The following PAQR4 variants were observed in gnomAD, a reference collection of about 807,000 sequenced individuals.
PAQR4 encodes progestin and adipoQ receptor family member IV.
PAQR4 carries 26 observed loss-of-function variants against 20.9 expected under a neutral mutation model. The ratio of observed to expected loss-of-function variants is 1.24; its 90% CI spans 0.91 to 1.73. PAQR4 has a LOEUF of 1.73. Ranked by LOEUF, PAQR4 falls within the 40% of genes most tolerant of loss-of-function variation. The pLI, the probability that PAQR4 is intolerant of heterozygous loss-of-function variation, is 0.00. For synonymous variants in PAQR4, 193 were observed against 171.6 expected, an observed-to-expected ratio of 1.12 and a Z score of -0.97; for missense variants, 400 against 380.1, an observed-to-expected ratio of 1.05 and a Z score of -0.44.
At chr16:2,970,993 C>G in intron 1 of PAQR4, 164 bp from the exon 2 acceptor site, 1 of 657,534 alleles carries the variant, frequency 1.5e-6, no homozygotes, top group Non-Finnish European at 2.6e-6. Context: ...GTAACCAGTG[C>G]CAAAAGCCTT....
At position 2,973,178 on chromosome 16, in the gene PAQR4, C is replaced by T. The variant is rs2072053503; in HGVS notation, c.*1230C>T. 4 of 1,525,086 alleles carry T rather than the reference C, an allele frequency of 2.6e-6. No homozygotes were observed. The highest frequency in any genetic ancestry group is 2.0e-5 in the Admixed American group (1 of 49,216). 94.5% of individuals were successfully genotyped at this position (1,525,086 alleles called of 1,614,324 possible). ...CTCCGGGGGGTGGAGGTGCTCCCCACAGTCCGGGCCAGGACAGCCTCAGGG... is the reference window on the plus strand; with the variant it reads ...CTCCGGGGGGTGGAGGTGCTCCCCATAGTCCGGGCCAGGACAGCCTCAGGG... On this transcript the variant is annotated 3_prime_UTR_variant, in exon 3 of 3. Coordinates refer to ENST00000318782, the MANE Select transcript of PAQR4 (RefSeq NM_152341.5).
chr16:2,970,122 T>C, intron 1 of PAQR4: 1 of 403,406 alleles, frequency 2.5e-6, no homozygotes, highest in Non-Finnish European at 4.5e-6. Context: ...GTGTCCGGCC[T>C]CTGTAATCCC....
chr16:2,972,783 G>A lies in PAQR4; in HGVS notation c.*835G>A, dbSNP rs961501695. On this transcript the variant is annotated 3_prime_UTR_variant, in exon 3 of 3. Coordinates refer to ENST00000318782, the MANE Select transcript of PAQR4 (RefSeq NM_152341.5). ...GATGACATCAATAAAGGGACAGGAA[G>A]GGCCATGTTGCCACATGAGCAAGCT... The A allele has an allele frequency of 3.2e-6, 5 of 1,539,482 alleles. No individual in the cohort carries two copies. The African/African-American group carries it at 4.1e-5, about 13-fold the overall frequency.
chr16:2,969,995 C>T, intron 1 of PAQR4, 155 bp downstream of exon 1: 1 of 1,030,802 alleles, frequency 9.7e-7, no homozygotes, highest in South Asian at 1.7e-5. Context: ...CTGCCATTGT[C>T]CCGGGCCGCG....
chr16:2,972,914 A>C lies in PAQR4; in HGVS notation c.*966A>C, dbSNP rs2072037248. On this transcript the variant is annotated 3_prime_UTR_variant, in exon 3 of 3. Coordinates refer to ENST00000318782, the MANE Select transcript of PAQR4 (RefSeq NM_152341.5). Reference sequence around the variant, plus strand: ...CTTTCAAGGGCGACGGGAGAGACACAGGATAAAAGGTTAAAAGTGCAGAGG... The same window carrying C: ...CTTTCAAGGGCGACGGGAGAGACACCGGATAAAAGGTTAAAAGTGCAGAGG... 1 of 1,568,212 alleles carries C rather than the reference A, an allele frequency of 6.4e-7. No individual in the cohort carries two copies.
Position 2,971,293 on chromosome 16 carries a change from C to T in PAQR4, c.303C>T (p.Leu101=), listed in dbSNP as rs2071980921. The change falls in exon 2 of 3, where the codon CTC becomes CTT. Residue 101 remains leucine, a synonymous_variant. Coordinates refer to ENST00000318782, the MANE Select transcript of PAQR4 (RefSeq NM_152341.5). ...APPAGSVLYH[L]FMCHQGGSAV... is the part of the protein sequence containing the mutation. ...CTGCAGGCTCCGTGCTCTATCACCT[C>T]TTTATGTGCCACCAAGGGGGCAGCG... 6.2e-7 allele frequency: 1 copy of T among 1,612,914 alleles called. No homozygotes were observed. Among genetic ancestry groups the T allele is most frequent in the East Asian group, 2.2e-5 (1 of 44,894 alleles).
At position 2,971,681 on chromosome 16, in the gene PAQR4, ACTGG is replaced by A; in HGVS notation, c.556_559del (p.Leu186TyrfsTer33). The stretch of plus-strand genomic sequence containing the variant: ...TTGGATGGCAGGCTGCTGCCCGCCT[ACTGG>A]TATTTGGGGCCCGGGGAGTGGGTCT... On this transcript the variant is annotated frameshift_variant, in exon 3 of 3. Coordinates refer to ENST00000318782, the MANE Select transcript of PAQR4 (RefSeq NM_152341.5). LOFTEE classifies it high-confidence loss of function. 6.2e-7 allele frequency: 1 copy of A among 1,611,918 alleles called. No individual in the cohort carries two copies. Among genetic ancestry groups the A allele is most frequent in the Non-Finnish European group, 8.5e-7 (1 of 1,179,840 alleles).
In PAQR4 at chr16:2,973,095, C is replaced by G. The variant is rs141428002; in HGVS notation, c.*1147C>G. 1.5e-4 allele frequency: 243 copies of G among 1,575,034 alleles called. No homozygotes were observed. The highest frequency in any genetic ancestry group is 1.5e-4 in the Admixed American group (8 of 53,312). ...AGGAGAGAGTAGTGACACTCAGGAT[C>G]CAAAAGCTAGCCCTGCCCACCCCAG... On this transcript the variant is annotated 3_prime_UTR_variant, in exon 3 of 3. Transcript: ENST00000318782.
chr16:2,970,320 C>A (rs929114464), intron 1 of PAQR4: 2 of 164,156 alleles, frequency 1.2e-5, no homozygotes, highest in African/African-American at 4.8e-5. Flanking sequence ...TCCTCCGCGC[C>A]CCGCGGAGCT....
At position 2,973,265 on chromosome 16, in the gene PAQR4, C is replaced by T. The variant is rs368360807; in HGVS notation, c.*1317C>T. On this transcript the variant is annotated 3_prime_UTR_variant, in exon 3 of 3. Transcript: ENST00000318782. ...GAGGGTGTCCAGGGCTAGGGAGTGC[C>T]GGATGAAACCAGCTCTGTCCCTGTG... The T allele has an allele frequency of 4.5e-5, 67 of 1,482,722 alleles. No homozygotes were observed. The highest frequency in any genetic ancestry group is 1.1e-4 in the African/African-American group (8 of 70,650). The allele number at this position is 1,482,722 out of a possible 1,614,324, so 91.8% of individuals were successfully genotyped here. A position where few individuals can be genotyped will look rare whatever the true frequency, so the allele number is the denominator to read the frequency against.
At position 2,972,982 on chromosome 16, in the gene PAQR4, G is replaced by C. The variant is rs2072041011; in HGVS notation, c.*1034G>C. 1 of 1,609,988 alleles carries C rather than the reference G, an allele frequency of 6.2e-7. No individual in the cohort carries two copies. ...GTTGGGTCTAGGGTGTCCTCAAACA[G>C]GCTGAGGAGGTTCCGAGGCTCAAAG... On this transcript the variant is annotated 3_prime_UTR_variant, in exon 3 of 3. Transcript: ENST00000318782.
Position 2,971,920 on chromosome 16 carries a change from C to A in PAQR4, c.794C>A (p.Ala265Asp), listed in dbSNP as rs368869717. ...GGCGTCGTGCCCGACCTGCTCTGGG[C>A]TGCCCACCACGCCTGTCCCCGGGAC... ...HAGVVPDLLW[A>D]AHHACPRD is the part of the protein sequence containing the mutation. The change falls in exon 3 of 3, where the codon GCT becomes GAT. Residue 265 changes from alanine (A) to aspartate (D), a missense_variant. Ala to Asp is a moderately radical substitution (Grantham distance 126, BLOSUM62 -2). Coordinates refer to ENST00000318782, the MANE Select transcript of PAQR4 (RefSeq NM_152341.5). The A allele has an allele frequency of 9.4e-6, 15 of 1,599,364 alleles. No individual in the cohort carries two copies. The highest frequency in any genetic ancestry group is 1.2e-5 in the Non-Finnish European group (14 of 1,177,202).
Position 2,972,860 on chromosome 16 carries a change from A to G in PAQR4, c.*912A>G. 6.5e-7 allele frequency: 1 copy of G among 1,532,268 alleles called. No homozygotes were observed. The highest frequency in any genetic ancestry group is 8.8e-7 in the Non-Finnish European group (1 of 1,132,916). The allele number at this position is 1,532,268 out of a possible 1,614,324, so 94.9% of individuals were successfully genotyped here. A position where few individuals can be genotyped will look rare whatever the true frequency, so the allele number is the denominator to read the frequency against. ...TTTATTAGACACGGCCAGGCAGAGA[A>G]GACCATGGGAGTTCCCGAGGGGCCC... is the stretch of plus-strand genomic sequence containing the variant. On this transcript the variant is annotated 3_prime_UTR_variant, in exon 3 of 3. Coordinates refer to ENST00000318782, the MANE Select transcript of PAQR4 (RefSeq NM_152341.5).
At chr16:2,970,708 G>A (rs1443522517) in intron 1 of PAQR4, among the ~76,000 whole-genome samples, 1 of 152,260 alleles carries the variant, frequency 6.6e-6, no homozygotes, top group Non-Finnish European at 1.5e-5. Flanking sequence ...GAGGACTTGG[G>A]TTGGGAAGAG....
In PAQR4 at chr16:2,971,179, G is replaced by A; in HGVS notation, c.189G>A (p.Leu63=). 6.2e-7 allele frequency: 1 copy of A among 1,613,356 alleles called. No homozygotes were observed. The highest frequency in any genetic ancestry group is 8.5e-7 in the Non-Finnish European group (1 of 1,179,986). Reference sequence around the variant, plus strand: ...TAGGGCTGGCCCTGCTGGGCTTCCTGGTGCTGGTGCCAATGACCATGCCCT... The same window carrying A: ...TAGGGCTGGCCCTGCTGGGCTTCCTAGTGCTGGTGCCAATGACCATGCCCT... ...YTHGLALLGF[L]VLVPMTMPWG... is the part of the protein sequence containing the mutation. Residue 63 remains leucine (L), a synonymous_variant, in exon 2 of 3, where the codon CTG becomes CTA. Transcript: ENST00000318782.
chr16:2,971,368 C>G lies in PAQR4; in HGVS notation c.378C>G (p.Val126=), dbSNP rs767703858. Residue 126 remains valine (V), a synonymous_variant, in exon 2 of 3, where the codon GTC becomes GTG. Coordinates refer to ENST00000318782, the MANE Select transcript of PAQR4 (RefSeq NM_152341.5). ...LALDMCGVCL[V]NTLGALPIIH... ...TGGACATGTGTGGGGTCTGCCTTGT[C>G]AACACCCTTGGTGAGTCAGGGCCCA... 13 of 1,609,024 alleles carry G rather than the reference C, an allele frequency of 8.1e-6. No homozygotes were observed. Among genetic ancestry groups the G allele is most frequent in the Non-Finnish European group, 1.1e-5 (13 of 1,179,900 alleles).
At position 2,972,728 on chromosome 16, in the gene PAQR4, G is replaced by C; in HGVS notation, c.*780G>C. ...GCCAGGAGCGCTGGGTTCTGCAGCA[G>C]GGCTCAGCCTCAGGGGCGTTAAGAC... On this transcript the variant is annotated 3_prime_UTR_variant, in exon 3 of 3. Transcript: ENST00000318782. 6.5e-7 allele frequency: 1 copy of C among 1,536,480 alleles called. No individual in the cohort carries two copies. The highest frequency in any genetic ancestry group is 1.2e-5 in the South Asian group (1 of 84,066).
chr16:2,973,345 A>G lies in PAQR4; in HGVS notation c.*1397A>G. Reference sequence around the variant, plus strand: ...GCAGGGAGCCACAGTCAGGGACAATAAAAACTTGGTGCACTCTGAAAGCAG... The same window carrying G: ...GCAGGGAGCCACAGTCAGGGACAATGAAAACTTGGTGCACTCTGAAAGCAG... On this transcript the variant is annotated 3_prime_UTR_variant, in exon 3 of 3. Coordinates refer to ENST00000318782, the MANE Select transcript of PAQR4 (RefSeq NM_152341.5). The G allele has an allele frequency of 6.5e-7, 1 of 1,543,372 alleles. No individual in the cohort carries two copies. The highest frequency in any genetic ancestry group is 8.7e-7 in the Non-Finnish European group (1 of 1,145,650).
At chr16:2,970,859 C>A (rs12934782) in intron 1 of PAQR4, 10 of 564,566 alleles carry the variant, frequency 1.8e-5, no homozygotes, top group African/African-American at 1.5e-4. Flanking sequence ...TAGGCCTGTC[C>A]TCTGCCATTG....
Sources: gnomAD v4.1 joint callset for allele counts (sites outside exome capture counted in the v4.1 genomes callset) on GRCh38, gnomAD v4.1.1 for gene constraint, MANE v1.5 for transcripts, NCBI Gene and HGNC (gene_info 2026-07-23, HGNC 2026-07-21) for gene names.